BNIP1: variants seen among roughly 807,000 people sequenced by gnomAD.
BNIP1 encodes the protein BCL2 interacting protein 1, also known as vesicle transport protein SEC20.
Under a neutral mutation model 28.5 loss-of-function variants are expected in BNIP1, and 25 were observed. The ratio of observed to expected loss-of-function variants is 0.88; its 90% CI spans 0.64 to 1.23. BNIP1 has a LOEUF of 1.23. Ranked by LOEUF, BNIP1 falls within the 50% of genes most tolerant of loss-of-function variation. The pLI is 0.00. For missense variants in BNIP1, 276 were observed against 277.0 expected, an observed-to-expected ratio of 1.00 and a Z score of 0.02; for synonymous variants, 118 against 101.7, an observed-to-expected ratio of 1.16 and a Z score of -0.96.
chr5:173,153,851 C>T (rs577398434), intron 2 of BNIP1, among the ~76,000 whole-genome samples: 4 of 152,260 alleles, frequency 2.6e-5, no homozygotes, highest in South Asian at 2.1e-4. Flanking sequence ...TGTCCCTGCA[C>T]GAGCTCTCAA....
chr5:173,153,215 G>A (rs1384225391), intron 2 of BNIP1, among the ~76,000 whole-genome samples: 1 of 151,648 alleles, frequency 6.6e-6, no homozygotes, highest in East Asian at 1.9e-4. Context: ...CTCCTGAGAT[G>A]ATCACAAGTC....
chr5:173,154,060 A>T (rs1760108288), intron 2 of BNIP1, among the ~76,000 whole-genome samples: 2 of 152,178 alleles, frequency 1.3e-5, no homozygotes, highest in Admixed American at 1.3e-4. Context: ...ACGCCAGGAC[A>T]GCCGTGCATC....
At chr5:173,156,783 G>A (rs960615197) in intron 3 of BNIP1, among the ~76,000 whole-genome samples, 1 of 151,482 alleles carries the variant, frequency 6.6e-6, no homozygotes, top group Non-Finnish European at 1.5e-5. Flanking sequence ...CGAGTAGCTG[G>A]GACTACAGGC....
At position 173,164,170 on chromosome 5, in the gene BNIP1, G is replaced by A. The variant is rs913589269; in HGVS notation, c.*249G>A. ...ATACGAACCGCCTCCTTCCACCATT[G>A]TGCACTATGGGAGGCCGCTGCTGCG... On this transcript the variant is annotated 3_prime_UTR_variant, in exon 6 of 6. Coordinates refer to ENST00000351486, the MANE Select transcript of BNIP1 (RefSeq NM_001205.3). This position sits in a 1 kb window ranked among gnomAD's most constrained non-coding sequence, Gnocchi z 4.0. 8.3e-6 allele frequency: 3 copies of A among 363,066 alleles called. No individual in the cohort carries two copies. The highest frequency in any genetic ancestry group is 6.2e-5 in the African/African-American group (3 of 48,084). 22.5% of individuals were successfully genotyped at this position (363,066 alleles called of 1,614,324 possible).
chr5:173,161,181 G>T (rs1424840911), intron 5 of BNIP1: 1 of 177,748 alleles, frequency 5.6e-6, no homozygotes, highest in Non-Finnish European at 1.2e-5. Context: ...TAAAAGATAA[G>T]GGACTCTTTG....
chr5:173,144,589 A>G lies in BNIP1; in HGVS notation c.44A>G (p.Glu15Gly). The G allele has an allele frequency of 6.2e-7, 1 of 1,614,054 alleles. No homozygotes were observed. The highest frequency in any genetic ancestry group is 8.5e-7 in the Non-Finnish European group (1 of 1,179,990). The part of the protein sequence containing the change: ...QDVHVRICNQ[E>G]IVKFDLEVKA... ...GTCCACGTCCGGATCTGTAACCAAG[A>G]GATTGTCAAATTTGACCTGGAGGTG... is the stretch of plus-strand genomic sequence containing the variant. Residue 15 changes from glutamate (E) to glycine (G), a missense_variant, in exon 1 of 6, where the codon GAG (glutamate) becomes GGG (glycine). Physicochemically the swap from Glu to Gly is moderately conservative, Grantham distance 98 (BLOSUM62 -2). Transcript: ENST00000351486.
At chr5:173,158,413 G>T (rs1760266550) in intron 3 of BNIP1, among the ~76,000 whole-genome samples, 1 of 152,226 alleles carries the variant, frequency 6.6e-6, no homozygotes. Context: ...GACCAGCTGG[G>T]AAGTTTGGAT....
chr5:173,163,778 G>A lies in BNIP1; in HGVS notation c.544G>A (p.Gly182Ser). ...DANEEFKSMSGTIQLGRKLIT... is the reference protein window; with the variant it reads ...DANEEFKSMSSTIQLGRKLIT... ...AAATGAAGAATTTAAGTCCATGTCG[G>A]GCACCATCCAGCTGGGCCGGAAGCT... Residue 182 changes from glycine to serine, a missense_variant, in exon 6 of 6, where the codon GGC becomes AGC. Transcript: ENST00000351486. 6.2e-7 allele frequency: 1 copy of A among 1,612,910 alleles called. No individual in the cohort carries two copies. Among genetic ancestry groups the A allele is most frequent in the Non-Finnish European group, 8.5e-7 (1 of 1,179,516 alleles).
chr5:173,154,279 G>T (rs1368243377), intron 2 of BNIP1, 43 bp from the exon 3 acceptor site: 3 of 1,569,598 alleles, frequency 1.9e-6, no homozygotes, highest in South Asian at 1.1e-5. Flanking sequence ...CTTTCATGTT[G>T]ACTTTTGAAA....
Position 173,160,062 on chromosome 5 carries a change from G to T in BNIP1, c.490+11G>T, listed in dbSNP as rs773152412. 7 of 1,611,400 alleles carry T rather than the reference G, an allele frequency of 4.3e-6. No individual in the cohort carries two copies. Among genetic ancestry groups the T allele is most frequent in the Admixed American group, 1.7e-5 (1 of 59,880 alleles). ...CCATGCAGTCTCTAGGTAAAGCTGG[G>T]CCTGGAGTAGGAAGCTTCTCCCAGA... On this transcript the variant is annotated intron_variant, in intron 5 of 5. Coordinates refer to ENST00000351486, the MANE Select transcript of BNIP1 (RefSeq NM_001205.3).
rs1760314982 is a variant in BNIP1 at position 173,160,010 on chromosome 5, C to A, written c.449C>A (p.Ala150Asp). Reference protein sequence around the residue: ...ESLMGISRMMAQQVQQSEEAM... With the variant: ...ESLMGISRMMDQQVQQSEEAM... The stretch of plus-strand genomic sequence containing the variant: ...CTCATGGGGATCAGCAGGATGATGG[C>A]CCAGCAGGTCCAGCAGAGCGAGGAG... The change falls in exon 5 of 6, where the codon GCC (alanine) becomes GAC (aspartate). Residue 150 changes from alanine to aspartate, a missense_variant. Physicochemically the swap from Ala to Asp is moderately radical, Grantham distance 126. Coordinates refer to ENST00000351486, the MANE Select transcript of BNIP1 (RefSeq NM_001205.3). The A allele has an allele frequency of 6.2e-7, 1 of 1,614,114 alleles. No individual in the cohort carries two copies. Among genetic ancestry groups the A allele is most frequent in the Admixed American group, 1.7e-5 (1 of 60,008 alleles).
chr5:173,163,960 T>C lies in BNIP1; in HGVS notation c.*39T>C. ...CCAGTTCTGGCCCTTTCAGCTCCTG[T>C]TTCAGGATCTGTCCTGGTTCCTGAG... On this transcript the variant is annotated 3_prime_UTR_variant, in exon 6 of 6. Coordinates refer to ENST00000351486, the MANE Select transcript of BNIP1 (RefSeq NM_001205.3). 6.5e-7 allele frequency: 1 copy of C among 1,545,388 alleles called. No homozygotes were observed. Among genetic ancestry groups the C allele is most frequent in the Non-Finnish European group, 8.8e-7 (1 of 1,142,688 alleles).
intron 5 of BNIP1, among the ~76,000 whole-genome samples, chr5:173,162,812 C>T (rs369550621): frequency 1.5e-4 from 23 of 152,238 alleles, no homozygotes; most frequent in African/African-American, 5.5e-4. Context: ...TTCTGACCTC[C>T]AGCTGACCCC....
intron 3 of BNIP1, 111 bp downstream of exon 3, chr5:173,154,524 CTT>C (rs10712809): frequency 0.091 from 52,768 of 582,042 alleles, 5 homozygotes; most frequent in Non-Finnish European, 0.1. Flanking sequence ...TTAATGGTGT[CTT>C]TTTTTTTTTT....
At chr5:173,158,544 C>T (rs3749705) in intron 3 of BNIP1, among the ~76,000 whole-genome samples, 200 bp from the exon 4 acceptor site, 4,936 of 152,320 alleles carry the variant, frequency 0.032, 112 homozygotes, top group South Asian at 0.088. Flanking sequence ...CTCCAGGGTC[C>T]GGTCAAGGGG....
rs541606444 is a variant in BNIP1, at chr5:173,159,828, T to C, written c.372-105T>C. On this transcript the variant is annotated intron_variant, in intron 4 of 5. Coordinates refer to ENST00000351486, the MANE Select transcript of BNIP1 (RefSeq NM_001205.3). The stretch of plus-strand genomic sequence containing the variant: ...TGAATGTGATCATTTAAAATATGTA[T>C]ACTAATTGGATAGGTAAAACATGAG... The C allele has an allele frequency of 3.2e-6, 3 of 951,140 alleles. No homozygotes were observed. In the South Asian group the frequency reaches 4.5e-5, roughly 14 times the overall value. 58.9% of individuals were successfully genotyped at this position (951,140 alleles called of 1,614,324 possible). A position where few individuals can be genotyped will look rare whatever the true frequency, so the allele number is the denominator to read the frequency against.
intron 2 of BNIP1, chr5:173,151,547 T>A (rs1760019543): frequency 1.2e-5 from 2 of 170,616 alleles, no homozygotes. Flanking sequence ...ATAACTGTCA[T>A]TTTTTTTTTT....
At chr5:173,158,523 C>T (rs1315512489) in intron 3 of BNIP1, among the ~76,000 whole-genome samples, 1 of 152,206 alleles carries the variant, frequency 6.6e-6, no homozygotes, top group Admixed American at 6.5e-5. Context: ...ACAGAGCCTC[C>T]CCGTGGCGAC....
intron 2 of BNIP1, among the ~76,000 whole-genome samples, chr5:173,148,533 G>A (rs755309356): frequency 1.3e-5 from 2 of 152,058 alleles, no homozygotes; most frequent in African/African-American, 2.4e-5. Flanking sequence ...TTGGAAGGAT[G>A]ACTGCATCTG....
Sources: allele counts gnomAD v4.1 joint callset (sites outside exome capture counted in the v4.1 genomes callset), GRCh38; gene constraint gnomAD v4.1.1; non-coding constraint Gnocchi (gnomAD v3.1); transcripts MANE v1.5; gene names NCBI Gene and HGNC (gene_info 2026-07-23, HGNC 2026-07-21).